The following TXNDC5 variants were observed in gnomAD, a reference collection of about 807,000 sequenced individuals.
TXNDC5 encodes the protein thioredoxin domain-containing protein 5.
Under a neutral mutation model 52.6 loss-of-function variants are expected in TXNDC5, and 44 were observed. That is an observed-to-expected ratio of 0.84 (90% CI 0.66 to 1.08). The LOEUF is 1.08. Ranked by LOEUF, TXNDC5 falls within the 50% of genes least tolerant of loss-of-function variation. The pLI is 0.00. For missense variants in TXNDC5, 600 were observed against 565.5 expected (o/e 1.06, Z -0.62); for synonymous variants, 241 against 234.4 (o/e 1.03, Z -0.26).
intron 1 of TXNDC5, among the ~76,000 whole-genome samples, chr6:7,908,985 T>A (rs1181028826): frequency 1.3e-5 from 2 of 152,244 alleles, no homozygotes; most frequent in Admixed American, 6.5e-5. Context: ...ACTGCCTGAT[T>A]GTTTTATGTT....
At chr6:7,887,493 TCC>T (rs1561806417) in intron 7 of TXNDC5, among the ~76,000 whole-genome samples, 20 of 102,020 alleles carry the variant, frequency 2.0e-4, no homozygotes, top group African/African-American at 2.8e-4. Context: ...CCTCGGACCC[TCC>T]CTCCCTCTCC....
At chr6:7,908,228 A>T (rs571805008) in intron 1 of TXNDC5, among the ~76,000 whole-genome samples, 270 of 151,324 alleles carry the variant, frequency 1.8e-3, no homozygotes, top group Middle Eastern at 6.8e-3. Flanking sequence ...GGTTGCAGTA[A>T]ATCAAGATTG....
At chr6:7,896,297 T>G (rs1760367856) in intron 3 of TXNDC5, among the ~76,000 whole-genome samples, 1 of 152,164 alleles carries the variant, frequency 6.6e-6, no homozygotes, top group South Asian at 2.1e-4. Flanking sequence ...AAAAGATGCT[T>G]CTGCCAGGAC....
At chr6:7,906,553 A>C (rs981539993) in intron 1 of TXNDC5, among the ~76,000 whole-genome samples, 23 of 149,002 alleles carry the variant, frequency 1.5e-4, no homozygotes, top group African/African-American at 5.6e-4. Flanking sequence ...AAAAAAAAAA[A>C]AAAAGAAAAA....
intron 7 of TXNDC5, among the ~76,000 whole-genome samples, 164 bp from the exon 8 acceptor site, chr6:7,886,207 A>G (rs554454356): frequency 1.3e-5 from 2 of 152,320 alleles, no homozygotes; most frequent in South Asian, 4.1e-4. Flanking sequence ...CATAGGCTAC[A>G]CACAAAGGGA....
intron 4 of TXNDC5, among the ~76,000 whole-genome samples, chr6:7,892,506 C>T (rs1214379807): frequency 6.6e-6 from 1 of 152,212 alleles, no homozygotes; most frequent in Non-Finnish European, 1.5e-5. Flanking sequence ...CTTCAGTGCA[C>T]ATAAAGGAGT....
chr6:7,885,627 A>T (rs1759940854), intron 8 of TXNDC5, among the ~76,000 whole-genome samples: 1 of 152,238 alleles, frequency 6.6e-6, no homozygotes, highest in African/African-American at 2.4e-5. Flanking sequence ...TCTATTTGGA[A>T]AAGTGCAGAT....
chr6:7,906,950 A>G (rs1561816380), intron 1 of TXNDC5, among the ~76,000 whole-genome samples: 1 of 152,168 alleles, frequency 6.6e-6, no homozygotes, highest in South Asian at 2.1e-4. Context: ...TTGGTGTTTA[A>G]CCAAAGAAGC....
Position 7,883,208 on chromosome 6 carries a change from CTG to C in TXNDC5, c.1233_1234del (p.His411GlnfsTer7). On this transcript the variant is annotated frameshift_variant, in exon 10 of 10. Transcript: ENST00000379757. LOFTEE classifies it high-confidence loss of function. ...TAACGAGTCAAGGTCTCTGCCTCCA[CTG>C]TGCTCACTGACTTTCTTCCCTCCTC... The C allele has an allele frequency of 6.2e-7, 1 of 1,614,240 alleles. No homozygotes were observed. Among genetic ancestry groups the C allele is most frequent in the Non-Finnish European group, 8.5e-7 (1 of 1,180,040 alleles).
chr6:7,884,329 G>C, intron 9 of TXNDC5, 30 bp downstream of exon 9: 1 of 1,613,214 alleles, frequency 6.2e-7, no homozygotes, highest in Non-Finnish European at 8.5e-7. Context: ...CATACTGAGA[G>C]CTCCCATAAG....
chr6:7,897,772 C>G (rs953258829), intron 3 of TXNDC5, among the ~76,000 whole-genome samples: 1 of 152,194 alleles, frequency 6.6e-6, no homozygotes, highest in Non-Finnish European at 1.5e-5. Flanking sequence ...TGAATAAAGC[C>G]ATCATAGAAG....
intron 1 of TXNDC5, chr6:7,910,100 C>G: frequency 3.0e-6 from 3 of 986,248 alleles, no homozygotes; most frequent in South Asian, 9.4e-5. Flanking sequence ...GCAGGGCGGG[C>G]TTTTCCCGGC....
Position 7,895,094 on chromosome 6 carries a change from C to A in TXNDC5, c.616+12G>T, listed in dbSNP as rs201122739. 6 of 1,612,712 alleles carry A rather than the reference C, an allele frequency of 3.7e-6. No individual in the cohort carries two copies. The highest frequency in any genetic ancestry group is 5.1e-6 in the Non-Finnish European group (6 of 1,179,332). Reference sequence around the variant, plus strand: ...TGATTCTCTGAAGCTGGCATCAGGACGTCCCCCTTACCTTGTGCAACGTGC... The same window carrying A: ...TGATTCTCTGAAGCTGGCATCAGGAAGTCCCCCTTACCTTGTGCAACGTGC... On this transcript the variant is annotated intron_variant, in intron 4 of 9. Transcript: ENST00000379757.
chr6:7,903,902 A>C (rs1033465538), intron 2 of TXNDC5, among the ~76,000 whole-genome samples: 10 of 152,168 alleles, frequency 6.6e-5, no homozygotes, highest in African/African-American at 2.4e-4. Flanking sequence ...ATTCCAGCCA[A>C]GCAGGGCCAG....
intron 1 of TXNDC5, among the ~76,000 whole-genome samples, chr6:7,909,320 C>T (rs1760833587): frequency 6.6e-6 from 1 of 152,254 alleles, no homozygotes; most frequent in African/African-American, 2.4e-5. Flanking sequence ...CAAGAACCTG[C>T]AGGCTATTCC....
At chr6:7,910,205 C>A in intron 1 of TXNDC5, 1 of 941,888 alleles carries the variant, frequency 1.1e-6, no homozygotes, top group Non-Finnish European at 1.3e-6. Context: ...TCACGCCTCC[C>A]GACCCGGAGC....
At position 7,897,597 on chromosome 6, in the gene TXNDC5, C is replaced by T. The variant is rs1056294757; in HGVS notation, c.519+1979G>A. On this transcript the variant is annotated intron_variant, in intron 3 of 9. Transcript: ENST00000379757. ...TCTGGGGTGGCATGGGGGGATTACACGCGGCCATCCTGCTCCCACACTGAG... is the reference window on the plus strand; with the variant it reads ...TCTGGGGTGGCATGGGGGGATTACATGCGGCCATCCTGCTCCCACACTGAG... 3.9e-5 allele frequency among the ~76,000 whole-genome samples: 6 copies of T among 152,244 alleles called. No individual in the cohort carries two copies. The East Asian group carries it at 5.8e-4, about 15-fold the overall frequency.
At chr6:7,893,820 T>C (rs1760279893) in intron 4 of TXNDC5, among the ~76,000 whole-genome samples, 1 of 152,214 alleles carries the variant, frequency 6.6e-6, no homozygotes, top group African/African-American at 2.4e-5. Context: ...ATCCAAGCCA[T>C]TTCTCACGTT....
chr6:7,896,535 G>C (rs147729201), intron 3 of TXNDC5, among the ~76,000 whole-genome samples: 2 of 152,316 alleles, frequency 1.3e-5, no homozygotes, highest in Non-Finnish European at 2.9e-5. Flanking sequence ...AGGCTTTAAA[G>C]GTGCTGACAG....
Sources: gnomAD v4.1 joint callset for allele counts (sites outside exome capture counted in the v4.1 genomes callset) on GRCh38, gnomAD v4.1.1 for gene constraint, MANE v1.5 for transcripts, NCBI Gene and HGNC (gene_info 2026-07-23, HGNC 2026-07-21) for gene names.